Variants in ARHGAP23 observed in about 807,000 individuals in gnomAD.
The protein encoded by ARHGAP23 is rho GTPase-activating protein 23.
In ARHGAP23, 34 loss-of-function variants were observed where a neutral mutation model predicts 136.3. That is an observed-to-expected ratio of 0.25 (90% CI 0.19 to 0.33). The LOEUF is 0.33. Among genes scored for constraint, ARHGAP23 ranks in the 10% least tolerant of loss-of-function variants. The probability of loss-of-function intolerance (pLI) is 1.00; values close to 1 mark genes in which losing one functional copy is unlikely to be tolerated. For synonymous variants in ARHGAP23, 832 were observed against 920.5 expected (o/e 0.90, Z 1.74); for missense variants, 1,808 against 2,139.0 (o/e 0.85, Z 3.05).
chr17:38,505,107 T>A (rs1653877636), intron 23 of ARHGAP23, among the ~76,000 whole-genome samples: 1 of 145,364 alleles, frequency 6.9e-6, no homozygotes, highest in African/African-American at 2.5e-5. Flanking sequence ...TGTGCTCAAG[T>A]GATCCTCCTG....
At chr17:38,496,827 C>T (rs924905004) in intron 20 of ARHGAP23, among the ~76,000 whole-genome samples, 1 of 152,090 alleles carries the variant, frequency 6.6e-6, no homozygotes, top group Admixed American at 6.5e-5. Flanking sequence ...ATGGCGTGCA[C>T]CTGTAATCCC....
intron 23 of ARHGAP23, among the ~76,000 whole-genome samples, chr17:38,508,381 A>G (rs934235658): frequency 2.0e-5 from 3 of 152,156 alleles, no homozygotes; most frequent in African/African-American, 7.2e-5. Context: ...CTGTATTTCC[A>G]CAGTGAGGGC....
Position 38,510,565 on chromosome 17 carries a change from C to T in ARHGAP23, c.4069C>T (p.Pro1357Ser), listed in dbSNP as rs2040737821. 14 of 1,235,304 alleles carry T rather than the reference C, an allele frequency of 1.1e-5. No homozygotes were observed. The South Asian group carries it at 2.2e-4, about 20-fold the overall frequency. 76.5% of individuals were successfully genotyped at this position (1,235,304 alleles called of 1,614,324 possible). ...ASSSSQESLR[P>S]PAAALASRPS... ...GTCCAGCAGCCAGGAGTCGCTGCGGCCCCCGGCGGCGGCGCTGGCCTCCCG... is the reference window on the plus strand; with the variant it reads ...GTCCAGCAGCCAGGAGTCGCTGCGGTCCCCGGCGGCGGCGCTGGCCTCCCG... The change falls in exon 24 of 24, where the codon CCC (proline) becomes TCC (serine). Residue 1357 changes from proline to serine, a missense_variant. This residue lies in a region of ARHGAP23 where 506 missense variants were observed against 455.8 expected (regional missense o/e 1.11). Transcript: ENST00000622683. The surrounding 1 kb of genome is among the most constrained non-coding windows in gnomAD (Gnocchi z 4.6).
In ARHGAP23 at chr17:38,510,758, A is replaced by G. The variant is rs1468694180; in HGVS notation, c.4262A>G (p.Glu1421Gly). 16 of 1,486,700 alleles carry G rather than the reference A, an allele frequency of 1.1e-5. No individual in the cohort carries two copies. The highest frequency in any genetic ancestry group is 1.8e-6 in the Non-Finnish European group (2 of 1,121,408). The allele number at this position is 1,486,700 out of a possible 1,614,324, so 92.1% of individuals were successfully genotyped here. A position where few individuals can be genotyped will look rare whatever the true frequency, so the allele number is the denominator to read the frequency against. ...CCGCTGACTGACCTCAACTTCAACG[A>G]GTGGAAGGAGCTGGGCGGAGGGGGC... is the stretch of plus-strand genomic sequence containing the variant. ...QSPLTDLNFN[E>G]WKELGGGGPP... Residue 1421 changes from glutamate to glycine, a missense_variant, in exon 24 of 24, where the codon GAG (glutamate) becomes GGG (glycine). This residue lies in a region of ARHGAP23 where 506 missense variants were observed against 455.8 expected (regional missense o/e 1.11). Transcript: ENST00000622683. The surrounding 1 kb of genome is among the most constrained non-coding windows in gnomAD (Gnocchi z 4.6).
intron 1 of ARHGAP23, among the ~76,000 whole-genome samples, chr17:38,452,820 G>A (rs1312177955): frequency 6.6e-6 from 1 of 152,180 alleles, no homozygotes; most frequent in African/African-American, 2.4e-5. Flanking sequence ...AGCACAACAT[G>A]GCGCTTCCCA....
At chr17:38,438,018 A>G (rs1389964365) in intron 1 of ARHGAP23, among the ~76,000 whole-genome samples, 1 of 152,164 alleles carries the variant, frequency 6.6e-6, no homozygotes, top group East Asian at 1.9e-4. Flanking sequence ...GAGGCTTGCC[A>G]AAGCTTGAAA....
At chr17:38,506,715 TC>T (rs1426163164) in intron 23 of ARHGAP23, among the ~76,000 whole-genome samples, 1 of 152,126 alleles carries the variant, frequency 6.6e-6, no homozygotes, top group Non-Finnish European at 1.5e-5. Context: ...CATCAAAAGG[TC>T]CCACCTTCAC....
At chr17:38,431,331 A>G (rs2038681854) in intron 1 of ARHGAP23, among the ~76,000 whole-genome samples, 1 of 152,116 alleles carries the variant, frequency 6.6e-6, no homozygotes, top group Admixed American at 6.5e-5. Context: ...TTTTCCTTCC[A>G]AAGGGGCATG....
At chr17:38,455,383 C>CAGAGGAAAGGGAGAGGT (rs1164706756) in intron 1 of ARHGAP23, among the ~76,000 whole-genome samples, 5 of 152,060 alleles carry the variant, frequency 3.3e-5, no homozygotes, top group African/African-American at 1.2e-4. Flanking sequence ...AAGGAAGGAA[C>CAGAGGAAAGGGAGAGGT]AGAGGAAAGG....
chr17:38,449,801 G>A (rs910324457), intron 1 of ARHGAP23, among the ~76,000 whole-genome samples: 2 of 152,192 alleles, frequency 1.3e-5, no homozygotes, highest in African/African-American at 2.4e-5. Flanking sequence ...TTTGTCACCT[G>A]GCAGTTTGGG....
intron 1 of ARHGAP23, among the ~76,000 whole-genome samples, chr17:38,441,757 G>A (rs189823540): frequency 1.3e-5 from 2 of 152,166 alleles, no homozygotes; most frequent in African/African-American, 4.8e-5. Flanking sequence ...GGACGGGGAG[G>A]GGGCAGGCAG....
intron 23 of ARHGAP23, among the ~76,000 whole-genome samples, chr17:38,507,968 C>T (rs1417199233): frequency 6.6e-6 from 1 of 152,266 alleles, no homozygotes; most frequent in Non-Finnish European, 1.5e-5. Flanking sequence ...CTTGTCAGGT[C>T]ATTCCAGCCC....
At chr17:38,457,084 A>G (rs1479536739) in intron 1 of ARHGAP23, among the ~76,000 whole-genome samples, 1 of 152,100 alleles carries the variant, frequency 6.6e-6, no homozygotes, top group East Asian at 1.9e-4. Context: ...TAATTTTTGT[A>G]TTTTTGGTAG....
intron 16 of ARHGAP23, among the ~76,000 whole-genome samples, chr17:38,483,756 G>A (rs902323756): frequency 6.6e-6 from 1 of 152,200 alleles, no homozygotes; most frequent in African/African-American, 2.4e-5. Context: ...AGGAAGGAGA[G>A]GGTGCTCAGG....
Position 38,459,111 on chromosome 17 carries a change from G to A in ARHGAP23, c.225+848G>A, listed in dbSNP as rs1044330650. On this transcript the variant is annotated intron_variant, in intron 2 of 23. Coordinates refer to ENST00000622683, the MANE Select transcript of ARHGAP23 (RefSeq NM_001199417.2). ...TGCTCCCATCACCACTTCTTTTCCA[G>A]CAGGGAGGAGACACTGATTTTGCAG... 3.9e-5 allele frequency among the ~76,000 whole-genome samples: 6 copies of A among 152,276 alleles called. No individual in the cohort carries two copies. In the East Asian group the frequency reaches 9.7e-4, roughly 25 times the overall value.
chr17:38,480,743 G>A lies in ARHGAP23; in HGVS notation c.2629+860G>A, dbSNP rs1323151116. Among the ~76,000 whole-genome samples, 4 of 149,324 alleles carry A rather than the reference G, an allele frequency of 2.7e-5. No homozygotes were observed. The East Asian group carries it at 5.9e-4, about 22-fold the overall frequency. On this transcript the variant is annotated intron_variant, in intron 14 of 23. Transcript: ENST00000622683. The stretch of plus-strand genomic sequence containing the variant: ...CACTTGAGCCTGGGAGGTGGAGGTT[G>A]CAGTGAGCCGAGATCACACCACTGC...
chr17:38,473,482 G>A (rs1296991061), intron 11 of ARHGAP23, among the ~76,000 whole-genome samples: 2 of 152,154 alleles, frequency 1.3e-5, no homozygotes, highest in South Asian at 2.1e-4. Context: ...GGGTGAAGTC[G>A]AGGCGGGACT....
intron 1 of ARHGAP23, among the ~76,000 whole-genome samples, chr17:38,435,989 C>T (rs1417362690): frequency 6.6e-6 from 1 of 152,176 alleles, no homozygotes; most frequent in Non-Finnish European, 1.5e-5. Flanking sequence ...GGGCGGAGGC[C>T]CCAGGCTGCA....
intron 1 of ARHGAP23, among the ~76,000 whole-genome samples, chr17:38,442,709 C>T (rs997642315): frequency 2.0e-5 from 3 of 152,150 alleles, no homozygotes; most frequent in South Asian, 2.1e-4. Context: ...GCAAAGGACC[C>T]GAGGCTGGAA....
Sources: gnomAD v4.1 joint callset for allele counts (sites outside exome capture counted in the v4.1 genomes callset) on GRCh38, gnomAD v4.1.1 for gene constraint, gnomAD v4.1.1 regional missense constraint, Gnocchi (gnomAD v3.1) non-coding constraint, MANE v1.5 for transcripts, NCBI Gene and HGNC (gene_info 2026-07-23, HGNC 2026-07-21) for gene names.